The following MS4A18 variants were observed in gnomAD, a reference collection of about 807,000 sequenced individuals.
MS4A18 encodes membrane spanning 4-domains A18, also known as membrane-spanning 4-domains subfamily A member 18.
A neutral mutation model predicts 13.1 loss-of-function variants in MS4A18; 27 were observed. The ratio of observed to expected loss-of-function variants is 2.06; its 90% confidence interval spans 1.52 to 2.84. MS4A18 has a LOEUF of 2.84. Among genes scored for constraint, MS4A18 ranks in the 30% most tolerant of loss-of-function variants. MS4A18 has a pLI of 0.00. For missense variants in MS4A18, 307 were observed against 196.4 expected, an observed-to-expected ratio of 1.56 and a Z score of -3.37; for synonymous variants, 126 against 76.5, an observed-to-expected ratio of 1.65 and a Z score of -3.38.
intron 1 of MS4A18, among the ~76,000 whole-genome samples, chr11:60,730,539 A>T (rs571639999): frequency 6.6e-6 from 1 of 152,344 alleles, no homozygotes; most frequent in African/African-American, 2.4e-5. Flanking sequence ...TGTCATAATT[A>T]CAATACCTTC....
exon 1 of MS4A18, chr11:60,729,678 C>T: frequency 2.8e-6 from 2 of 702,780 alleles, no homozygotes; most frequent in Non-Finnish European, 5.2e-6. Flanking sequence ...TGAATGCTAA[C>T]CCTGGGCTGA....
chr11:60,744,540 A>T (rs1019306335), downstream of MS4A18, among the ~76,000 whole-genome samples: 19 of 152,248 alleles, frequency 1.2e-4, no homozygotes, highest in Non-Finnish European at 2.1e-4. Context: ...ACTTAGAATT[A>T]AAAACAGTTG....
intron 1 of MS4A18, among the ~76,000 whole-genome samples, chr11:60,730,753 C>A (rs1853241904): frequency 6.6e-6 from 1 of 152,130 alleles, no homozygotes; most frequent in South Asian, 2.1e-4. Context: ...CCAAACAAAT[C>A]AAAATCAAAT....
intron 4 of MS4A18, among the ~76,000 whole-genome samples, chr11:60,739,335 C>A (rs1018755168): frequency 3.3e-5 from 5 of 152,192 alleles, no homozygotes; most frequent in Middle Eastern, 3.4e-3. Flanking sequence ...CTAGGGGTCT[C>A]TCGAGGGATA....
rs554966172 is a variant in MS4A18, at chr11:60,743,789, ACCCTGTCAACACCACCACCAG to A, written c.1029_1049del (p.Thr344_Asn350del). 1.7e-3 allele frequency: 1,214 copies of A among 701,402 alleles called. 30 individuals carry two copies. Among genetic ancestry groups the A allele is most frequent in the South Asian group, 0.012 (793 of 67,470 alleles). The allele number at this position is 701,402 out of a possible 1,614,324, so 43.4% of individuals were successfully genotyped here. A position where few individuals can be genotyped will look rare whatever the true frequency, so the allele number is the denominator to read the frequency against. The stretch of plus-strand genomic sequence containing the variant: ...AATGGTCCTGTCAATACTACCATTC[ACCCTGTCAACACCACCACCAG>A]CCCTGTCAACACCACCACCAGCCCT... On this transcript the variant is annotated inframe_deletion, in exon 6 of 6. Coordinates refer to ENST00000529108, the Ensembl canonical transcript of MS4A18.
In MS4A18 at chr11:60,738,988, C is replaced by A. The variant is rs1409790110; in HGVS notation, c.735C>A (p.Tyr245Ter). The stretch of plus-strand genomic sequence containing the variant: ...TTATCATTACAGATCTGAGCCTTTA[C>A]TATGTGACGGTGAGCATCTGACTGC... The change falls in exon 4 of 6, where the codon TAC (tyrosine) becomes TAA (stop). Residue 245 changes from tyrosine to a stop codon, truncating the protein, a stop_gained. Coordinates refer to ENST00000529108, the Ensembl canonical transcript of MS4A18. LOFTEE classifies it high-confidence loss of function. 1.4e-6 allele frequency: 1 copy of A among 702,964 alleles called. No homozygotes were observed. Among genetic ancestry groups the A allele is most frequent in the East Asian group, 2.7e-5 (1 of 37,288 alleles). 43.5% of individuals were successfully genotyped at this position (702,964 alleles called of 1,614,324 possible).
At chr11:60,740,509 C>G (rs111951838) in intron 4 of MS4A18, among the ~76,000 whole-genome samples, 2 of 152,220 alleles carry the variant, frequency 1.3e-5, no homozygotes, top group South Asian at 2.1e-4. Context: ...AGGACCCTGA[C>G]CTAGCTGGTG....
At chr11:60,739,314 A>T (rs1292997570) in intron 4 of MS4A18, among the ~76,000 whole-genome samples, 1 of 152,020 alleles carries the variant, frequency 6.6e-6, no homozygotes, top group Non-Finnish European at 1.5e-5. Flanking sequence ...GACTCACAAG[A>T]TCACCTGCCC....
At chr11:60,728,933 G>T (rs1226602026), upstream of MS4A18, among the ~76,000 whole-genome samples, 1 of 152,282 alleles carries the variant, frequency 6.6e-6, no homozygotes, top group East Asian at 1.9e-4. Flanking sequence ...GGGGTCAGTT[G>T]TTCACCCCCA....
chr11:60,744,000 T>C, exon 6 of MS4A18: 2 of 700,320 alleles, frequency 2.9e-6, no homozygotes. Flanking sequence ...AATAGCTGAT[T>C]TGCACAGAGA....
intron 2 of MS4A18, among the ~76,000 whole-genome samples, chr11:60,736,392 T>G (rs11820305): frequency 0.14 from 21,902 of 151,628 alleles, 1,704 homozygotes; most frequent in East Asian, 0.26. Context: ...GGCCTCCTCA[T>G]TTCAGGGCTC....
exon 6 of MS4A18, chr11:60,743,706 C>CCCTGTCAATGCTACCACTGGT (rs1474171971): frequency 1.4e-6 from 1 of 703,054 alleles, no homozygotes; most frequent in Admixed American, 2.0e-5. Context: ...CCACCACCAG[C>CCCTGTCAATGCTACCACTGGT]CCTGTCAATG....
chr11:60,733,380 A>G (rs1488227901), intron 1 of MS4A18, among the ~76,000 whole-genome samples, 154 bp from the exon 3 acceptor site: 1 of 152,052 alleles, frequency 6.6e-6, no homozygotes, highest in Non-Finnish European at 1.5e-5. Flanking sequence ...TGTGGACCCT[A>G]CCCTCAGAGA....
At chr11:60,725,416 G>A (rs148598873), upstream of MS4A18, among the ~76,000 whole-genome samples, 5 of 152,134 alleles carry the variant, frequency 3.3e-5, no homozygotes, top group South Asian at 2.1e-4. Context: ...GGATGGTCTC[G>A]ATCTCCTGAC....
chr11:60,744,234 T>C (rs1853454166), downstream of MS4A18: 7 of 495,890 alleles, frequency 1.4e-5, no homozygotes, highest in South Asian at 1.7e-4. Flanking sequence ...CTTTTAACCT[T>C]GGCAAAGTTC....
intron 1 of MS4A18, among the ~76,000 whole-genome samples, chr11:60,733,272 G>C (rs1853283963): frequency 6.6e-6 from 1 of 152,206 alleles, no homozygotes; most frequent in South Asian, 2.1e-4. Flanking sequence ...CACATTTCTT[G>C]CTCTGTTATA....
chr11:60,734,319 A>G (rs1484806410), intron 2 of MS4A18, among the ~76,000 whole-genome samples: 1 of 152,224 alleles, frequency 6.6e-6, no homozygotes, highest in Admixed American at 6.5e-5. Flanking sequence ...TGCTATAGAC[A>G]GCATCTACCT....
At chr11:60,742,237 A>G (rs914526010) in intron 5 of MS4A18, among the ~76,000 whole-genome samples, 11 of 152,170 alleles carry the variant, frequency 7.2e-5, no homozygotes, top group African/African-American at 9.7e-5. Context: ...TACTCTCAGA[A>G]ACATGTTTTC....
At chr11:60,741,060 C>T (rs1191402763) in exon 5 of MS4A18, 2 of 702,934 alleles carry the variant, frequency 2.8e-6, no homozygotes, top group Non-Finnish European at 2.6e-6. Context: ...TGGCGGTCTT[C>T]TCCCCTTTGC....
Sources: allele counts gnomAD v4.1 joint callset (sites outside exome capture counted in the v4.1 genomes callset), GRCh38; gene constraint gnomAD v4.1.1; transcripts MANE v1.5; gene names NCBI Gene and HGNC (gene_info 2026-07-23, HGNC 2026-07-21).